TRAF3: variants seen among roughly 807,000 people sequenced by gnomAD.
The protein encoded by TRAF3 is TNF receptor associated factor 3, also known as TNF receptor-associated factor 3.
Under a neutral mutation model 62.3 loss-of-function variants are expected in TRAF3, and 13 were observed. That is an observed-to-expected ratio of 0.21 (90% CI 0.14 to 0.33). The LOEUF (loss-of-function observed/expected upper bound fraction) is 0.33, where lower values mean the gene tolerates loss of function less well. Among genes scored for constraint, TRAF3 ranks in the 10% least tolerant of loss-of-function variants. The pLI is 1.00. For missense variants in TRAF3, 440 were observed against 741.8 expected (o/e 0.59, Z 4.73); for synonymous variants, 269 against 283.4 (o/e 0.95, Z 0.51).
chr14:102,809,633 T>C (rs11160700), intron 1 of TRAF3, among the ~76,000 whole-genome samples: 79,086 of 149,912 alleles, frequency 0.53, 23,173 homozygotes, highest in Middle Eastern at 0.73. Context: ...CCCAGGTTCA[T>C]GCTATTCTCC....
At chr14:102,856,156 C>T (rs1472165134) in intron 2 of TRAF3, among the ~76,000 whole-genome samples, 2 of 149,686 alleles carry the variant, frequency 1.3e-5, no homozygotes, top group Non-Finnish European at 3.0e-5. Flanking sequence ...AGTGGGAACT[C>T]ACTGTGGTTT....
At chr14:102,862,027 G>T (rs1016277955) in intron 2 of TRAF3, among the ~76,000 whole-genome samples, 1 of 152,000 alleles carries the variant, frequency 6.6e-6, no homozygotes, top group Non-Finnish European at 1.5e-5. Flanking sequence ...ATCTCATTTG[G>T]TGCTCAAAAG....
chr14:102,793,334 T>G (rs1897904990), intron 1 of TRAF3, among the ~76,000 whole-genome samples: 1 of 151,828 alleles, frequency 6.6e-6, no homozygotes, highest in African/African-American at 2.4e-5. Flanking sequence ...TCATTTTTTT[T>G]GTACAGATGA....
At chr14:102,878,265 G>A (rs1888831488) in intron 6 of TRAF3, among the ~76,000 whole-genome samples, 1 of 152,044 alleles carries the variant, frequency 6.6e-6, no homozygotes, top group Admixed American at 6.6e-5. Flanking sequence ...GTTTATCTTG[G>A]AGAGAGACAG....
chr14:102,815,140 T>C (rs1343906661), intron 1 of TRAF3, among the ~76,000 whole-genome samples: 1 of 152,138 alleles, frequency 6.6e-6, no homozygotes, highest in Non-Finnish European at 1.5e-5. Flanking sequence ...AGTTTTACTA[T>C]GTTGCCCGGG....
intron 1 of TRAF3, among the ~76,000 whole-genome samples, chr14:102,778,202 A>G (rs1337892612): frequency 6.6e-6 from 1 of 150,890 alleles, no homozygotes; most frequent in Non-Finnish European, 1.5e-5. Context: ...GGGTCCGGGT[A>G]TGGGCAGAGG....
intron 1 of TRAF3, among the ~76,000 whole-genome samples, chr14:102,778,944 C>T (rs1020576464): frequency 1.3e-5 from 2 of 152,178 alleles, no homozygotes; most frequent in African/African-American, 4.8e-5. Flanking sequence ...GTTCTTTTCT[C>T]AAATGAGAGG....
rs1025081141 is a variant in TRAF3, at chr14:102,906,901, G to A, written c.*1117G>A. ...GTAGAGCTGGTGGCATACGGCCCACGTGCCTTAGATGGGACATGCTGCTTC... is the reference window on the plus strand; with the variant it reads ...GTAGAGCTGGTGGCATACGGCCCACATGCCTTAGATGGGACATGCTGCTTC... On this transcript the variant is annotated 3_prime_UTR_variant, in exon 12 of 12. Transcript: ENST00000392745. 7 of 152,216 alleles carry A rather than the reference G, an allele frequency of 4.6e-5. No individual in the cohort carries two copies. Among genetic ancestry groups the A allele is most frequent in the Non-Finnish European group, 8.8e-5 (6 of 68,044 alleles). 9.4% of individuals were successfully genotyped at this position (152,216 alleles called of 1,614,324 possible).
At chr14:102,797,906 T>G (rs934877012) in intron 1 of TRAF3, among the ~76,000 whole-genome samples, 1 of 151,938 alleles carries the variant, frequency 6.6e-6, no homozygotes, top group Non-Finnish European at 1.5e-5. Flanking sequence ...CCTGGCTAAG[T>G]TTGTATTTTT....
Position 102,891,518 on chromosome 14 carries a change from G to T in TRAF3, c.819+101G>T. 7.1e-6 allele frequency: 9 copies of T among 1,268,748 alleles called. No homozygotes were observed. The South Asian group carries it at 1.2e-4, about 16-fold the overall frequency. The allele number at this position is 1,268,748 out of a possible 1,614,324, so 78.6% of individuals were successfully genotyped here. On this transcript the variant is annotated intron_variant, in intron 9 of 11. Transcript: ENST00000392745. ...AGTTATTAATGGGTTTTGGATAAAA[G>T]AAACTATCAAGAGAATGTCAAAAAA...
intron 1 of TRAF3, among the ~76,000 whole-genome samples, chr14:102,812,235 T>C (rs913400439): frequency 2.0e-5 from 3 of 152,120 alleles, no homozygotes; most frequent in Admixed American, 1.3e-4. Flanking sequence ...CTTCCACATG[T>C]ATTAGTGAGA....
chr14:102,809,949 C>T (rs186175285), intron 1 of TRAF3, among the ~76,000 whole-genome samples: 88 of 152,268 alleles, frequency 5.8e-4, no homozygotes, highest in African/African-American at 1.9e-3. Context: ...TCCATCCATG[C>T]ATTACCAAAA....
chr14:102,819,143 C>T (rs1295085513), intron 1 of TRAF3, among the ~76,000 whole-genome samples: 2 of 152,076 alleles, frequency 1.3e-5, no homozygotes, highest in Non-Finnish European at 2.9e-5. Flanking sequence ...TTCTCCCTTC[C>T]CCCAAGACCC....
intron 1 of TRAF3, among the ~76,000 whole-genome samples, chr14:102,789,194 A>G (rs926982531): frequency 6.6e-6 from 1 of 152,128 alleles, no homozygotes; most frequent in Admixed American, 6.6e-5. Flanking sequence ...ATGTGCCAGT[A>G]TTTGTTCCTT....
At chr14:102,846,321 A>G (rs1278898714) in intron 2 of TRAF3, among the ~76,000 whole-genome samples, 1 of 152,232 alleles carries the variant, frequency 6.6e-6, no homozygotes, top group East Asian at 1.9e-4. Flanking sequence ...TTTACTGAGT[A>G]GAATATTACA....
At chr14:102,843,296 A>G (rs922352536) in intron 2 of TRAF3, among the ~76,000 whole-genome samples, 1 of 151,580 alleles carries the variant, frequency 6.6e-6, no homozygotes, top group Non-Finnish European at 1.5e-5. Flanking sequence ...TATTAAAGGA[A>G]ATTCAGATAG....
At chr14:102,806,556 G>C (rs1020325276) in intron 1 of TRAF3, among the ~76,000 whole-genome samples, 2 of 152,106 alleles carry the variant, frequency 1.3e-5, no homozygotes, top group African/African-American at 4.8e-5. Context: ...CTTCAGCTTC[G>C]GACCTGCATA....
At chr14:102,781,653 G>T (rs948572702) in intron 1 of TRAF3, among the ~76,000 whole-genome samples, 1 of 151,936 alleles carries the variant, frequency 6.6e-6, no homozygotes, top group Non-Finnish European at 1.5e-5. Context: ...TTGAAACAGG[G>T]GCTCACTCTG....
At chr14:102,783,311 A>T (rs932398109) in intron 1 of TRAF3, among the ~76,000 whole-genome samples, 1 of 152,164 alleles carries the variant, frequency 6.6e-6, no homozygotes, top group Non-Finnish European at 1.5e-5. Context: ...GATTTGTTGC[A>T]TTATGGGGGT....
Sources: allele counts gnomAD v4.1 joint callset (sites outside exome capture counted in the v4.1 genomes callset), GRCh38; gene constraint gnomAD v4.1.1; transcripts MANE v1.5; gene names NCBI Gene and HGNC (gene_info 2026-07-23, HGNC 2026-07-21).